Variants in RBPJ observed in about 807,000 individuals in gnomAD.
RBPJ encodes the protein recombination signal binding protein for immunoglobulin kappa J region, also known as recombining binding protein suppressor of hairless.
RBPJ carries 9 observed loss-of-function variants against 67.8 expected under a neutral mutation model. That is an observed-to-expected ratio of 0.13 (90% CI 0.08 to 0.23). The LOEUF is 0.23. RBPJ is among the 10% of genes least tolerant of loss of function. The pLI, the probability that RBPJ is intolerant of heterozygous loss-of-function variation, is 1.00. For synonymous variants in RBPJ, 198 were observed against 203.3 expected (o/e 0.97, Z 0.22); for missense variants, 305 against 595.6 (o/e 0.51, Z 5.08).
chr4:26,433,154 C>T lies in RBPJ; in HGVS notation c.*2147C>T, dbSNP rs1368307650. On this transcript the variant is annotated 3_prime_UTR_variant, in exon 11 of 11. Coordinates refer to ENST00000355476, the MANE Select transcript of RBPJ (RefSeq NM_015874.6). Reference sequence around the variant, plus strand: ...TCTCTTATAAGCTAATCCTGCCTCACACCTTAAATCTGTTTCAGTGATCAA... The same window carrying T: ...TCTCTTATAAGCTAATCCTGCCTCATACCTTAAATCTGTTTCAGTGATCAA... The T allele has an allele frequency of 6.6e-6, 1 of 152,218 alleles. No homozygotes were observed. The highest frequency in any genetic ancestry group is 6.5e-5 in the Admixed American group (1 of 15,280). The allele number at this position is 152,218 out of a possible 1,614,324, so 9.4% of individuals were successfully genotyped here.
chr4:26,199,274 T>C (rs533126099), intron 1 of RBPJ, among the ~76,000 whole-genome samples: 3 of 152,246 alleles, frequency 2.0e-5, no homozygotes, highest in Non-Finnish European at 4.4e-5. Flanking sequence ...TGAAACCCCA[T>C]CTCTACTAAA....
At chr4:26,130,148 A>G in the RBPJ span, among the ~76,000 whole-genome samples, 1 of 152,206 alleles carries the variant, frequency 6.6e-6, no homozygotes, top group African/African-American at 2.4e-5. Context: ...GGCATGAGCC[A>G]CCATGCCCAG....
intron 1 of RBPJ, among the ~76,000 whole-genome samples, chr4:26,380,616 G>A (rs763826727): frequency 2.6e-5 from 4 of 152,038 alleles, no homozygotes; most frequent in Non-Finnish European, 5.9e-5. Context: ...TGCCTTGGGG[G>A]TATGGATCAG....
At chr4:26,217,139 A>C (rs1718747264) in intron 1 of RBPJ, among the ~76,000 whole-genome samples, 1 of 152,192 alleles carries the variant, frequency 6.6e-6, no homozygotes. Flanking sequence ...AATGTTACTG[A>C]ACCTTGTCTC....
At chr4:26,399,188 G>T (rs1229094215) in intron 2 of RBPJ, among the ~76,000 whole-genome samples, 1 of 151,942 alleles carries the variant, frequency 6.6e-6, no homozygotes, top group African/African-American at 2.4e-5. Flanking sequence ...CTTTCATTTT[G>T]TAGCTTGCTT....
the RBPJ span, among the ~76,000 whole-genome samples, chr4:26,105,535 CA>C: frequency 6.6e-6 from 1 of 152,078 alleles, no homozygotes; most frequent in African/African-American, 2.4e-5. Flanking sequence ...GGAGGCTTAT[CA>C]AAACTCTGGC....
chr4:26,382,322 A>G (rs1184843649), intron 1 of RBPJ, among the ~76,000 whole-genome samples: 1 of 152,228 alleles, frequency 6.6e-6, no homozygotes, highest in African/African-American at 2.4e-5. Flanking sequence ...GACTGCTGTC[A>G]TTCTGCTGAG....
At chr4:26,319,335 C>T (rs967945562), upstream of RBPJ, among the ~76,000 whole-genome samples, 2 of 152,212 alleles carry the variant, frequency 1.3e-5, no homozygotes, top group East Asian at 1.9e-4. Flanking sequence ...CTCCCCACCC[C>T]TCGTCTTCCA....
intron 1 of RBPJ, among the ~76,000 whole-genome samples, chr4:26,295,093 G>C (rs1721819886): frequency 6.6e-6 from 1 of 152,134 alleles, no homozygotes; most frequent in Admixed American, 6.5e-5. Flanking sequence ...TTGGGACAAA[G>C]AGCCGTAAAT....
chr4:26,263,609 T>C (rs956913533), intron 1 of RBPJ, among the ~76,000 whole-genome samples: 4 of 152,202 alleles, frequency 2.6e-5, no homozygotes, highest in African/African-American at 9.6e-5. Flanking sequence ...TCTCGCTCTG[T>C]CACACAGGCT....
At chr4:26,385,221 A>G (rs913960364) in intron 1 of RBPJ, among the ~76,000 whole-genome samples, 4 of 151,408 alleles carry the variant, frequency 2.6e-5, no homozygotes, top group Admixed American at 6.6e-5. Context: ...GGGTTTCACC[A>G]TGTTGGCCAG....
chr4:26,127,646 C>G, the RBPJ span, among the ~76,000 whole-genome samples: 1 of 152,162 alleles, frequency 6.6e-6, no homozygotes, highest in Non-Finnish European at 1.5e-5. Context: ...GTATAGGGAA[C>G]AAAACACCTA....
chr4:26,192,164 C>T (rs895570312), intron 1 of RBPJ, among the ~76,000 whole-genome samples: 18 of 152,038 alleles, frequency 1.2e-4, no homozygotes, highest in African/African-American at 2.2e-4. Context: ...TGCGCCACCA[C>T]GCCCGGCTAC....
chr4:26,109,468 A>ATC, the RBPJ span, among the ~76,000 whole-genome samples: 1 of 34,208 alleles, frequency 2.9e-5, no homozygotes. Context: ...CTCTATATAT[A>ATC]TATATATATA....
chr4:26,233,014 C>T (rs1398233850), intron 1 of RBPJ, among the ~76,000 whole-genome samples: 1 of 152,230 alleles, frequency 6.6e-6, no homozygotes, highest in African/African-American at 2.4e-5. Flanking sequence ...GGACCAAAGT[C>T]TCACATGCAG....
In RBPJ at chr4:26,392,038, A is replaced by G. The variant is rs28604591; in HGVS notation, c.59+5647A>G. On this transcript the variant is annotated intron_variant, in intron 2 of 10. Coordinates refer to ENST00000355476, the MANE Select transcript of RBPJ (RefSeq NM_015874.6). ...CACTGATCCTATTCTTGAAGGCTCC[A>G]TCCTCATGACCTCATCACCTCCCAG... Among the ~76,000 whole-genome samples, 277 of 152,294 alleles carry G rather than the reference A, an allele frequency of 1.8e-3. 1 individual carries two copies. Among genetic ancestry groups the G allele is most frequent in the African/African-American group, 6.0e-3 (249 of 41,554 alleles).
chr4:26,262,696 C>T (rs987834255), intron 1 of RBPJ, among the ~76,000 whole-genome samples: 2 of 152,182 alleles, frequency 1.3e-5, no homozygotes, highest in Non-Finnish European at 2.9e-5. Flanking sequence ...TGTTCAGAGG[C>T]TAATGACTCC....
At chr4:26,419,763 TATATA>T (rs1204551700) in intron 4 of RBPJ, among the ~76,000 whole-genome samples, 1 of 152,216 alleles carries the variant, frequency 6.6e-6, no homozygotes, top group African/African-American at 2.4e-5. Context: ...AGAATTGTTA[TATATA>T]ATATAAGCAG....
At chr4:26,425,479 G>A (rs994390300) in intron 7 of RBPJ, among the ~76,000 whole-genome samples, 2 of 151,866 alleles carry the variant, frequency 1.3e-5, no homozygotes. Context: ...AATTAGCCAG[G>A]CATGGTGGTG....
Sources: gnomAD v4.1 joint callset for allele counts (sites outside exome capture counted in the v4.1 genomes callset) on GRCh38, gnomAD v4.1.1 for gene constraint, MANE v1.5 for transcripts, NCBI Gene and HGNC (gene_info 2026-07-23, HGNC 2026-07-21) for gene names.